RAD51B: variants seen among roughly 807,000 people sequenced by gnomAD.
RAD51B encodes RAD51 paralog B, also known as DNA repair protein RAD51 homolog 2.
Under a neutral mutation model 42.2 loss-of-function variants are expected in RAD51B, and 38 were observed. That is an observed-to-expected ratio of 0.90 (90% CI 0.70 to 1.18). RAD51B has a LOEUF of 1.18. Among genes scored for constraint, RAD51B ranks in the 50% most tolerant of loss-of-function variants. RAD51B has a pLI of 0.00. For synonymous variants in RAD51B, 154 were observed against 145.2 expected (o/e 1.06, Z -0.43); for missense variants, 373 against 400.7 (o/e 0.93, Z 0.59).
At position 68,565,312 on chromosome 14, in the gene RAD51B, T is replaced by G. The variant is rs922403983; in HGVS notation, c.1037-29173T>G. Among the ~76,000 whole-genome samples the G allele has an allele frequency of 5.9e-5, 9 of 152,164 alleles. No individual in the cohort carries two copies. Among genetic ancestry groups the G allele is most frequent in the African/African-American group, 1.9e-4 (8 of 41,438 alleles). On this transcript the variant is annotated intron_variant, in intron 10 of 10. Transcript: ENST00000487270. The surrounding 1 kb of genome is among the most constrained non-coding windows in gnomAD (Gnocchi z 4.1). ...CTTATCAGGGCCCAATCTAAGGCCC[T>G]CCTGTAAGGACCAAGCTTCCTCCAG...
intron 10 of RAD51B, among the ~76,000 whole-genome samples, chr14:68,586,457 T>A (rs1408280366): frequency 1.3e-5 from 2 of 152,204 alleles, no homozygotes; most frequent in Admixed American, 1.3e-4. Context: ...CATGTGTTTC[T>A]CTGGTTTTAA....
rs73282338 is a variant in RAD51B, at chr14:68,503,323, G to A, written c.1036+35073G>A. 6.0e-3 allele frequency among the ~76,000 whole-genome samples: 910 copies of A among 152,256 alleles called. 14 individuals carry two copies. The highest frequency in any genetic ancestry group is 0.02 in the African/African-American group (847 of 41,516). ...ACATGAGAACATTTCAGAAGCACTG[G>A]TTTAACCGGCTGACATTCTTTCCAA... is the stretch of plus-strand genomic sequence containing the variant. On this transcript the variant is annotated intron_variant, in intron 10 of 10. Coordinates refer to the RAD51B transcript ENST00000487270.
intron 7 of RAD51B, among the ~76,000 whole-genome samples, chr14:68,181,596 G>A (rs1404849200): frequency 6.6e-6 from 1 of 152,220 alleles, no homozygotes; most frequent in African/African-American, 2.4e-5. Flanking sequence ...TTTTAAGCCT[G>A]TGGCTTTGAT....
At chr14:68,101,815 T>C (rs1014570277) in intron 7 of RAD51B, among the ~76,000 whole-genome samples, 1 of 152,202 alleles carries the variant, frequency 6.6e-6, no homozygotes, top group East Asian at 1.9e-4. Context: ...AGTGCCCCAG[T>C]AGGGACTCTC....
intron 7 of RAD51B, among the ~76,000 whole-genome samples, chr14:67,985,816 G>A (rs1054429895): frequency 3.3e-5 from 5 of 152,132 alleles, no homozygotes; most frequent in South Asian, 2.1e-4. Flanking sequence ...AGGCTGAGGC[G>A]GCAGGATGGC....
chr14:67,868,946 C>G (rs1682097147), intron 5 of RAD51B, among the ~76,000 whole-genome samples: 1 of 152,252 alleles, frequency 6.6e-6, no homozygotes, highest in Non-Finnish European at 1.5e-5. Context: ...ACATCACCAT[C>G]ATCAAAGACC....
chr14:68,290,275 TCA>T (rs1191420389), intron 7 of RAD51B, among the ~76,000 whole-genome samples: 1 of 152,230 alleles, frequency 6.6e-6, no homozygotes, highest in Non-Finnish European at 1.5e-5. Context: ...AGTGCCCCTT[TCA>T]GAAGGGACAT....
chr14:68,218,644 T>C (rs969449263), intron 7 of RAD51B, among the ~76,000 whole-genome samples: 22 of 152,230 alleles, frequency 1.4e-4, no homozygotes, highest in African/African-American at 4.6e-4. Flanking sequence ...TATGAATCTT[T>C]CTTTAGAGAT....
At position 67,921,567 on chromosome 14, in the gene RAD51B, TCACACACACACACA is replaced by T. The variant is rs3219795; in HGVS notation, c.756+34406_756+34419del. On this transcript the variant is annotated intron_variant, in intron 7 of 10. Transcript: ENST00000471583. Reference sequence around the variant, plus strand: ...CTATGTGCATGTACATATGTGCACATCACACACACACACACACACACACACACACACACACACAC... The same window carrying T: ...CTATGTGCATGTACATATGTGCACATCACACACACACACACACACACACAC... Among the ~76,000 whole-genome samples, 315 of 125,944 alleles carry T rather than the reference TCACACACACACACA, an allele frequency of 2.5e-3. 5 individuals are homozygous for T. Among genetic ancestry groups the T allele is most frequent in the Middle Eastern group, 7.6e-3 (2 of 262 alleles). 82.6% of individuals were successfully genotyped at this position (125,944 alleles called of 152,430 possible).
intron 8 of RAD51B, among the ~76,000 whole-genome samples, chr14:68,383,657 C>A (rs80202316): frequency 2.0e-5 from 3 of 150,618 alleles, no homozygotes; most frequent in South Asian, 2.1e-4. Context: ...AAAAAAAAAA[C>A]ACAATGAATT....
rs563654668 is a variant in RAD51B at position 67,863,974 on chromosome 14, A to G, written c.316-1029A>G. On this transcript the variant is annotated intron_variant, in intron 4 of 10. Coordinates refer to ENST00000471583, the MANE Select transcript of RAD51B (RefSeq NM_133510.4). ...TATTATGGCAGAACAGGAGAGAGAG[A>G]GAGACAGACAGAGACATCTTACTAT... is the stretch of plus-strand genomic sequence containing the variant. 2.0e-5 allele frequency among the ~76,000 whole-genome samples: 3 copies of G among 152,236 alleles called. No homozygotes were observed. In the South Asian group the frequency reaches 6.2e-4, roughly 32 times the overall value.
intron 7 of RAD51B, among the ~76,000 whole-genome samples, chr14:67,890,547 G>T (rs960824627): frequency 6.6e-6 from 1 of 151,598 alleles, no homozygotes; most frequent in Non-Finnish European, 1.5e-5. Flanking sequence ...TGCCATGCTG[G>T]TGCGCTGCAC....
At chr14:68,162,524 G>A (rs951587846) in intron 7 of RAD51B, among the ~76,000 whole-genome samples, 3 of 152,162 alleles carry the variant, frequency 2.0e-5, no homozygotes, top group Admixed American at 6.5e-5. Flanking sequence ...AGTGGCTCAC[G>A]CCAGTAATAC....
At chr14:68,579,082 G>T (rs1890098054) in intron 10 of RAD51B, among the ~76,000 whole-genome samples, 2 of 152,232 alleles carry the variant, frequency 1.3e-5, no homozygotes, top group South Asian at 4.1e-4. Flanking sequence ...GCCAGATTCA[G>T]CTCTCTTGAC....
intron 7 of RAD51B, among the ~76,000 whole-genome samples, chr14:68,283,773 A>G (rs757190766): frequency 1.2e-4 from 18 of 152,192 alleles, no homozygotes; most frequent in Non-Finnish European, 5.9e-5. Flanking sequence ...ACCTATGTCT[A>G]TGGCACGGTA....
chr14:68,443,084 C>G (rs887700487), intron 9 of RAD51B, among the ~76,000 whole-genome samples: 2 of 152,154 alleles, frequency 1.3e-5, no homozygotes, highest in African/African-American at 4.8e-5. Context: ...AAGCATTTGC[C>G]TTTCCTCCTC....
At chr14:67,867,336 C>G (rs182360308) in intron 5 of RAD51B, among the ~76,000 whole-genome samples, 1 of 152,202 alleles carries the variant, frequency 6.6e-6, no homozygotes, top group Non-Finnish European at 1.5e-5. Flanking sequence ...GTTTATTTCT[C>G]TCATATAACA....
intron 7 of RAD51B, among the ~76,000 whole-genome samples, chr14:68,274,642 TAATA>T (rs1186053770): frequency 6.6e-6 from 1 of 152,202 alleles, no homozygotes; most frequent in Non-Finnish European, 1.5e-5. Flanking sequence ...CAGAATAAAA[TAATA>T]AATGTCACAA....
At chr14:67,899,150 C>T (rs983575563) in intron 7 of RAD51B, among the ~76,000 whole-genome samples, 2 of 152,012 alleles carry the variant, frequency 1.3e-5, no homozygotes, top group South Asian at 4.1e-4. Context: ...TCATGCTATT[C>T]TCCTGCCTCA....
Sources: gnomAD v4.1 joint callset for allele counts (sites outside exome capture counted in the v4.1 genomes callset) on GRCh38, gnomAD v4.1.1 for gene constraint, Gnocchi (gnomAD v3.1) non-coding constraint, MANE v1.5 for transcripts, NCBI Gene and HGNC (gene_info 2026-07-23, HGNC 2026-07-21) for gene names.